The following FEZ1 variants were observed in gnomAD, a reference collection of about 807,000 sequenced individuals.
FEZ1 encodes fasciculation and elongation protein zeta-1.
A neutral mutation model predicts 49.3 loss-of-function variants in FEZ1; 20 were observed. The ratio of observed to expected loss-of-function variants is 0.41; its 90% CI spans 0.29 to 0.59. The LOEUF is 0.59. Among genes scored for constraint, FEZ1 ranks in the 20% least tolerant of loss-of-function variants. The pLI is 0.36. For synonymous variants in FEZ1, 170 were observed against 180.9 expected, an observed-to-expected ratio of 0.94 and a Z score of 0.48; for missense variants, 413 against 476.0, an observed-to-expected ratio of 0.87 and a Z score of 1.23.
At position 125,477,366 on chromosome 11, in the gene FEZ1, G is replaced by A. The variant is rs572713010; in HGVS notation, c.411+4168C>T. 7.9e-5 allele frequency among the ~76,000 whole-genome samples: 12 copies of A among 151,442 alleles called. 1 individual carries two copies. The highest frequency in any genetic ancestry group is 2.6e-4 in the Admixed American group (4 of 15,198). ...AAAAAAAAAAAAAAATTAGCTGAGC[G>A]TCATGGTGCATTCCTGTAATTCCAG... On this transcript the variant is annotated intron_variant, in intron 3 of 9. Coordinates refer to ENST00000278919, the MANE Select transcript of FEZ1 (RefSeq NM_005103.5).
chr11:125,448,306 G>T (rs542479014), intron 9 of FEZ1, among the ~76,000 whole-genome samples, 196 bp downstream of exon 9: 1 of 152,316 alleles, frequency 6.6e-6, no homozygotes, highest in East Asian at 1.9e-4. Flanking sequence ...TGACTCGGGG[G>T]TGATGGAATC....
chr11:125,481,515 A>C lies in FEZ1; in HGVS notation c.411+19T>G. ...TCCACATCTCAAGCCCTGCTAAACC[A>C]GGGGCCCCGGAGAGGTACCTCAGTG... On this transcript the variant is annotated intron_variant, in intron 3 of 9. Coordinates refer to ENST00000278919, the MANE Select transcript of FEZ1 (RefSeq NM_005103.5). 3.9e-5 allele frequency: 53 copies of C among 1,365,016 alleles called. No individual in the cohort carries two copies. The highest frequency in any genetic ancestry group is 5.5e-5 in the Non-Finnish European group (52 of 952,470). 84.6% of individuals were successfully genotyped at this position (1,365,016 alleles called of 1,614,324 possible).
intron 3 of FEZ1, among the ~76,000 whole-genome samples, chr11:125,476,181 C>T (rs1382156134): frequency 6.6e-6 from 1 of 152,168 alleles, no homozygotes; most frequent in Admixed American, 6.5e-5. Context: ...TGTTGAATAT[C>T]TTGATTGTGG....
intron 6 of FEZ1, 108 bp downstream of exon 6, chr11:125,455,727 C>T (rs756570654): frequency 1.8e-6 from 2 of 1,140,588 alleles, no homozygotes; most frequent in Middle Eastern, 2.0e-4. Flanking sequence ...CTGCTCACCA[C>T]CACTGCTCGG....
At chr11:125,482,398 G>T (rs1202502591) in intron 2 of FEZ1, among the ~76,000 whole-genome samples, 1 of 152,148 alleles carries the variant, frequency 6.6e-6, no homozygotes, top group African/African-American at 2.4e-5. Context: ...TACACAATTT[G>T]TTTTTAGTGG....
chr11:125,485,510 T>C (rs1957318951), intron 2 of FEZ1, among the ~76,000 whole-genome samples: 1 of 152,168 alleles, frequency 6.6e-6, no homozygotes, highest in Non-Finnish European at 1.5e-5. Flanking sequence ...TTATTAGAAT[T>C]CTAACTTGCT....
At chr11:125,464,289 C>T (rs1274421773) in intron 3 of FEZ1, among the ~76,000 whole-genome samples, 1 of 152,240 alleles carries the variant, frequency 6.6e-6, no homozygotes, top group Non-Finnish European at 1.5e-5. Context: ...TTAAATCTAA[C>T]AAGCTATTCA....
rs866924228 is a variant in FEZ1 at position 125,495,324 on chromosome 11, C to T, written c.-46+797G>A. 14 of 464,780 alleles carry T rather than the reference C, an allele frequency of 3.0e-5. 1 individual carries two copies. In the Middle Eastern group the frequency reaches 4.6e-3, roughly 152 times the overall value. 28.8% of individuals were successfully genotyped at this position (464,780 alleles called of 1,614,324 possible). The stretch of plus-strand genomic sequence containing the variant: ...CCGGACACGGGAGAGGGATGAGAGT[C>T]GGGGATGCCTAGCGGCGAGGAGAGA... On this transcript the variant is annotated intron_variant, in intron 1 of 9. Transcript: ENST00000278919. This position sits in a 1 kb window ranked among gnomAD's most constrained non-coding sequence, Gnocchi z 4.2.
intron 5 of FEZ1, 171 bp from the exon 6 acceptor site, chr11:125,456,277 C>CG: frequency 3.2e-6 from 2 of 624,994 alleles, no homozygotes; most frequent in South Asian, 2.6e-5. Flanking sequence ...GCCAGGAAGG[C>CG]GGGGGCCTGT....
At chr11:125,457,403 T>TAAAAAAAA (rs141594971) in intron 5 of FEZ1, among the ~76,000 whole-genome samples, 4 of 35,110 alleles carry the variant, frequency 1.1e-4, no homozygotes, top group Non-Finnish European at 2.0e-4. Context: ...GTTTCTACTT[T>TAAAAAAAA]AAAAAAAAAA....
In FEZ1 at chr11:125,445,876, G is replaced by A. The variant is rs1252426157; in HGVS notation, c.*219C>T. ...CTTCCCCTCTCCTGACACCAGCAAG[G>A]GGGAGGCACCATCACCGGCCCTGCC... On this transcript the variant is annotated 3_prime_UTR_variant, in exon 10 of 10. Transcript: ENST00000278919. The surrounding 1 kb of genome is among the most constrained non-coding windows in gnomAD (Gnocchi z 4.4). 1.7e-6 allele frequency: 1 copy of A among 597,982 alleles called. No homozygotes were observed. Among genetic ancestry groups the A allele is most frequent in the Non-Finnish European group, 3.1e-6 (1 of 320,480 alleles). 37.0% of individuals were successfully genotyped at this position (597,982 alleles called of 1,614,324 possible).
intron 3 of FEZ1, among the ~76,000 whole-genome samples, chr11:125,471,431 T>TACACACACAC (rs34965918): frequency 1.4e-5 from 2 of 147,882 alleles, no homozygotes; most frequent in African/African-American, 4.9e-5. Context: ...TTGAGATAGA[T>TACACACACAC]ACACACACAC....
At position 125,457,426 on chromosome 11, in the gene FEZ1, A is replaced by AT. The variant is rs1565533371; in HGVS notation, c.668-1321_668-1320insA. On this transcript the variant is annotated intron_variant, in intron 5 of 9. Transcript: ENST00000278919. The stretch of plus-strand genomic sequence containing the variant: ...TTTAAAAAAAAAAAAAAAAAAAAAA[A>AT]AAAATATATATATATATATATATAT... Among the ~76,000 whole-genome samples, 212 of 37,176 alleles carry AT rather than the reference A, an allele frequency of 5.7e-3. 1 individual carries two copies. The highest frequency in any genetic ancestry group is 0.012 in the African/African-American group (120 of 9,996). The allele number at this position is 37,176 out of a possible 152,430, so 24.4% of individuals were successfully genotyped here. A position where few individuals can be genotyped will look rare whatever the true frequency, so the allele number is the denominator to read the frequency against.
chr11:125,457,428 AAATATATATATATAT>A (rs1957023905), intron 5 of FEZ1, among the ~76,000 whole-genome samples: 1 of 32,394 alleles, frequency 3.1e-5, no homozygotes, highest in African/African-American at 1.2e-4. Context: ...AAAAAAAAAA[AAATATATATATATAT>A]ATATATATGT....
chr11:125,456,797 G>A (rs1291287352), intron 5 of FEZ1, among the ~76,000 whole-genome samples: 1 of 152,018 alleles, frequency 6.6e-6, no homozygotes, highest in Non-Finnish European at 1.5e-5. Context: ...AAATAGATTT[G>A]GATATTTTAT....
chr11:125,448,519 G>A lies in FEZ1; in HGVS notation c.1145C>T (p.Thr382Met), dbSNP rs757683990. Reference sequence around the variant, plus strand: ...GCTCTTACCTTTTAAAATGTAGTCCGTTAGCAAAGTAGGCACCTTCTCATT... The same window carrying A: ...GCTCTTACCTTTTAAAATGTAGTCCATTAGCAAAGTAGGCACCTTCTCATT... Reference protein sequence around the residue: ...EDNEKVPTLLTDYILKVLCPT With the variant: ...EDNEKVPTLLMDYILKVLCPT Residue 382 changes from threonine to methionine, a missense_variant, in exon 9 of 10, where the codon ACG becomes ATG. Transcript: ENST00000278919. 1.9e-6 allele frequency: 3 copies of A among 1,611,390 alleles called. No homozygotes were observed. The highest frequency in any genetic ancestry group is 1.3e-5 in the African/African-American group (1 of 74,866).
rs762801339 is a variant in FEZ1 at position 125,452,396 on chromosome 11, A to G, written c.1034T>C (p.Val345Ala). The G allele has an allele frequency of 1.7e-5, 27 of 1,612,278 alleles. No individual in the cohort carries two copies. In the East Asian group the frequency reaches 4.0e-4, roughly 24 times the overall value. Reference sequence around the variant, plus strand: ...AGAGGCTTTCTTCTCGTAAGGAATGACTGTGTTCAGATACTGCAAGACAAA... The same window carrying G: ...AGAGGCTTTCTTCTCGTAAGGAATGGCTGTGTTCAGATACTGCAAGACAAA... The part of the protein sequence containing the change: ...SGTDKQYLNT[V>A]IPYEKKASPP... The change falls in exon 8 of 10, where the codon GTC becomes GCC. Residue 345 changes from valine (V) to alanine (A), a missense_variant. Physicochemically the swap from Val to Ala is moderately conservative, Grantham distance 64. Coordinates refer to ENST00000278919, the MANE Select transcript of FEZ1 (RefSeq NM_005103.5).
intron 2 of FEZ1, among the ~76,000 whole-genome samples, chr11:125,487,937 G>A (rs1957340945): frequency 6.6e-6 from 1 of 152,106 alleles, no homozygotes; most frequent in African/African-American, 2.4e-5. Context: ...AATCCTCTAG[G>A]ACGTGCCTCT....
At chr11:125,484,862 C>T (rs1447513185) in intron 2 of FEZ1, among the ~76,000 whole-genome samples, 1 of 152,096 alleles carries the variant, frequency 6.6e-6, no homozygotes, top group Non-Finnish European at 1.5e-5. Context: ...CAGGCAGATG[C>T]TGGCAGCCAG....
Sources: gnomAD v4.1 joint callset for allele counts (sites outside exome capture counted in the v4.1 genomes callset) on GRCh38, gnomAD v4.1.1 for gene constraint, Gnocchi (gnomAD v3.1) non-coding constraint, MANE v1.5 for transcripts, NCBI Gene and HGNC (gene_info 2026-07-23, HGNC 2026-07-21) for gene names.